Variants in MYH6 observed in about 807,000 individuals in gnomAD.
The protein encoded by MYH6 is myosin-6.
MYH6 carries 126 observed loss-of-function variants against 223.2 expected under a neutral mutation model. The observed-to-expected ratio is 0.56, with a 90% CI of 0.49 to 0.65. The LOEUF is 0.65. MYH6 is among the 30% of genes least tolerant of loss of function. The pLI is 0.00. For missense variants in MYH6, 2,040 were observed against 2,536.4 expected (o/e 0.80, Z 4.20); for synonymous variants, 978 against 1,010.2 (o/e 0.97, Z 0.61).
chr14:23,404,301 G>A lies in MYH6; in HGVS notation c.730C>T (p.Arg244Cys), dbSNP rs759116118. ...GAGTGGTCAAAGGCACTCACAAAGC[G>A]GGAGGAGTTGTCGTTCCGGACAGTC... ...AKTVRNDNSSRFGKFIRIHFG... is the reference protein window; with the variant it reads ...AKTVRNDNSSCFGKFIRIHFG... Residue 244 changes from arginine (R) to cysteine (C), a missense_variant, in exon 8 of 39, where the codon CGC becomes TGC. By Grantham distance (180) the Arg-to-Cys change is radical. This residue lies in a region of MYH6 where 649 missense variants were observed against 877.3 expected (regional missense o/e 0.74). Coordinates refer to ENST00000405093, the MANE Select transcript of MYH6 (RefSeq NM_002471.4). 4.3e-6 allele frequency: 7 copies of A among 1,614,246 alleles called. No homozygotes were observed. Among genetic ancestry groups the A allele is most frequent in the Middle Eastern group, 1.6e-4 (1 of 6,062 alleles).
At chr14:23,400,021 A>T in intron 14 of MYH6, 1 of 610,558 alleles carries the variant, frequency 1.6e-6, no homozygotes, top group Non-Finnish European at 2.8e-6. Context: ...ACTACATCTC[A>T]CTCTTAAGAC....
rs1244704850 is a variant in MYH6, at chr14:23,397,096, A to G, written c.2051-16T>C. 1.9e-6 allele frequency: 3 copies of G among 1,614,092 alleles called. No homozygotes were observed. The highest frequency in any genetic ancestry group is 2.2e-5 in the South Asian group (2 of 91,094). On this transcript the variant is annotated splice_polypyrimidine_tract_variant and intron_variant, in intron 17 of 38. Coordinates refer to ENST00000405093, the MANE Select transcript of MYH6 (RefSeq NM_002471.4). ...TCCATCACCCCTGTGTCAGGAGGGA[A>G]GGGGAAAGGGTCAGCCTTAGGGTAA...
intron 1 of MYH6, 65 bp downstream of exon 1, chr14:23,408,188 A>AG (rs1891845207): frequency 1.0e-6 from 1 of 969,782 alleles, no homozygotes; most frequent in African/African-American, 1.8e-5. Context: ...CTGGTGAAGG[A>AG]GGTCCCTCAC....
chr14:23,402,671 A>G (rs781713579), intron 11 of MYH6, 26 bp downstream of exon 11: 1 of 1,613,284 alleles, frequency 6.2e-7, no homozygotes, highest in Non-Finnish European at 8.5e-7. Flanking sequence ...GGTCCCTCGA[A>G]CGGCCGCAGC....
chr14:23,400,076 G>A, intron 14 of MYH6, 180 bp downstream of exon 14: 1 of 944,794 alleles, frequency 1.1e-6, no homozygotes, highest in South Asian at 1.5e-5. Context: ...AAGGTCCTGG[G>A]AAAGGAAGAG....
intron 15 of MYH6, among the ~76,000 whole-genome samples, chr14:23,397,944 T>C (rs1004568162): frequency 0.017 from 1,093 of 63,556 alleles, 5 homozygotes; most frequent in African/African-American, 0.042. Context: ...CTTCTTCTTC[T>C]TCTTCTTCTT....
chr14:23,390,779 G>A (rs1351199623), intron 25 of MYH6, among the ~76,000 whole-genome samples: 2 of 152,296 alleles, frequency 1.3e-5, no homozygotes, highest in South Asian at 2.1e-4. Context: ...GTTGAAGGGG[G>A]ATCCTGGTAT....
At position 23,388,925 on chromosome 14, in the gene MYH6, A is replaced by T. The variant is rs1891132691; in HGVS notation, c.4109T>A (p.Val1370Glu). The change falls in exon 29 of 39, where the codon GTG becomes GAG. Residue 1370 changes from valine to glutamate, a missense_variant. Physicochemically the swap from Val to Glu is moderately radical, Grantham distance 121. Transcript: ENST00000405093. ...QRVLSKANSEVAQWRTKYETD... is the reference protein window; with the variant it reads ...QRVLSKANSEEAQWRTKYETD... ...CTCATACTTGGTCCTCCACTGGGCC[A>T]CCTCCGAGTTGGCCTTGGACAGGAC... The T allele has an allele frequency of 1.2e-6, 2 of 1,613,486 alleles. No individual in the cohort carries two copies. The highest frequency in any genetic ancestry group is 1.7e-6 in the Non-Finnish European group (2 of 1,179,972).
chr14:23,398,241 C>G (rs1000482587), intron 15 of MYH6, among the ~76,000 whole-genome samples: 3 of 152,112 alleles, frequency 2.0e-5, no homozygotes, highest in Non-Finnish European at 4.4e-5. Context: ...TGGTCTCGAA[C>G]TCCTGACCTT....
intron 12 of MYH6, among the ~76,000 whole-genome samples, chr14:23,401,658 C>T (rs148170935): frequency 6.6e-6 from 1 of 152,358 alleles, no homozygotes; most frequent in African/African-American, 2.4e-5. Flanking sequence ...TCCTCTGCTC[C>T]CTGTCTCCTT....
intron 25 of MYH6, among the ~76,000 whole-genome samples, 185 bp downstream of exon 25, chr14:23,392,377 A>T (rs1363851315): frequency 6.6e-6 from 1 of 152,118 alleles, no homozygotes; most frequent in Non-Finnish European, 1.5e-5. Flanking sequence ...AGTTTTGCTA[A>T]CGTAATGTAT....
intron 15 of MYH6, among the ~76,000 whole-genome samples, chr14:23,397,986 T>C (rs1891476037): frequency 2.1e-5 from 3 of 143,028 alleles, no homozygotes; most frequent in African/African-American, 8.0e-5. Flanking sequence ...CTTCTTCTTC[T>C]TCTTCTTCTT....
At position 23,388,137 on chromosome 14, in the gene MYH6, C is replaced by T. The variant is rs1045264487; in HGVS notation, c.4359+18G>A. On this transcript the variant is annotated intron_variant, in intron 30 of 38. Coordinates refer to ENST00000405093, the MANE Select transcript of MYH6 (RefSeq NM_002471.4). ...CCCTTGCCCTGCATGCTGGCTGCGGCCCCCGCCCATGGTCCACCTTGTCAA... is the reference window on the plus strand; with the variant it reads ...CCCTTGCCCTGCATGCTGGCTGCGGTCCCCGCCCATGGTCCACCTTGTCAA... 1.2e-6 allele frequency: 2 copies of T among 1,612,218 alleles called. No homozygotes were observed.
At chr14:23,403,516 G>T (rs1387687513) in intron 9 of MYH6, 70 bp from the exon 10 acceptor site, 4 of 1,365,802 alleles carry the variant, frequency 2.9e-6, no homozygotes, top group Non-Finnish European at 4.2e-6. Flanking sequence ...AGGTGGCCAT[G>T]GGGGCAGAGG....
chr14:23,389,072 G>GGGGGCCC lies in MYH6; in HGVS notation c.3979-18_3979-17insGGGCCCC. On this transcript the variant is annotated splice_polypyrimidine_tract_variant and intron_variant, in intron 28 of 38. Coordinates refer to ENST00000405093, the MANE Select transcript of MYH6 (RefSeq NM_002471.4). ...GTTCTTCGCCTGGGGAGGGGGGGGG[G>GGGGGCCC]CACCAGGAGGTGGGAGGGACTCCCT... 8.8e-7 allele frequency: 1 copy of GGGGGCCC among 1,135,098 alleles called. No homozygotes were observed. The highest frequency in any genetic ancestry group is 1.3e-6 in the Non-Finnish European group (1 of 774,098). 70.3% of individuals were successfully genotyped at this position (1,135,098 alleles called of 1,614,324 possible). A position where few individuals can be genotyped will look rare whatever the true frequency, so the allele number is the denominator to read the frequency against.
chr14:23,383,428 T>G (rs1410623332), intron 36 of MYH6, 108 bp from the exon 37 acceptor site: 18 of 866,596 alleles, frequency 2.1e-5, no homozygotes, highest in Non-Finnish European at 3.1e-5. Flanking sequence ...TGCCCCTCCC[T>G]GCAATGATCC....
chr14:23,398,023 TC>T (rs1891482175), intron 15 of MYH6, among the ~76,000 whole-genome samples: 9 of 143,934 alleles, frequency 6.3e-5, no homozygotes, highest in Admixed American at 2.2e-4. Context: ...TTCTTCTTCT[TC>T]CTTCTATTTT....
intron 34 of MYH6, 90 bp from the exon 35 acceptor site, chr14:23,385,131 CA>C: frequency 1.3e-6 from 2 of 1,554,746 alleles, no homozygotes; most frequent in Non-Finnish European, 1.8e-6. Flanking sequence ...TAAAGGTGGT[CA>C]TTTTTTTTTT....
At chr14:23,397,956 T>TTCCTCTTCTTCTTCTTCTTCC (rs1891466999) in intron 15 of MYH6, among the ~76,000 whole-genome samples, 5 of 107,032 alleles carry the variant, frequency 4.7e-5, no homozygotes, top group African/African-American at 1.6e-4. Flanking sequence ...CTTCTTCTTC[T>TTCCTCTTCTTCTTCTTCTTCC]TCTTCTTCTT....
Sources: allele counts gnomAD v4.1 joint callset (sites outside exome capture counted in the v4.1 genomes callset), GRCh38; gene constraint gnomAD v4.1.1; regional missense constraint gnomAD v4.1.1; transcripts MANE v1.5; gene names NCBI Gene and HGNC (gene_info 2026-07-23, HGNC 2026-07-21).